The following ERBB4 variants were observed in gnomAD, a reference collection of about 807,000 sequenced individuals.
ERBB4 encodes the protein receptor tyrosine-protein kinase erbB-4.
ERBB4 carries 42 observed loss-of-function variants against 158.0 expected under a neutral mutation model. The ratio of observed to expected loss-of-function variants is 0.27; its 90% CI spans 0.21 to 0.34. ERBB4 has a LOEUF of 0.34. Ranked by LOEUF, ERBB4 falls within the 10% of genes least tolerant of loss-of-function variation. The pLI is 1.00. For synonymous variants in ERBB4, 583 were observed against 558.7 expected, an observed-to-expected ratio of 1.04 and a Z score of -0.61; for missense variants, 1,333 against 1,624.1, an observed-to-expected ratio of 0.82 and a Z score of 3.08.
At chr2:211,532,155 G>T (rs372040903) in intron 20 of ERBB4, among the ~76,000 whole-genome samples, 1 of 151,454 alleles carries the variant, frequency 6.6e-6, no homozygotes, top group East Asian at 1.9e-4. Context: ...GGGTTGTGGG[G>T]GGGGAAAGTA....
At chr2:211,721,620 C>CATATATATATATATATATATATATAT (rs71054137) in intron 7 of ERBB4, among the ~76,000 whole-genome samples, 104 of 131,840 alleles carry the variant, frequency 7.9e-4, no homozygotes, top group African/African-American at 1.8e-3. Flanking sequence ...TGCTATTAAA[C>CATATATATATATATATATATATATAT]ATATATATAT....
At chr2:212,032,828 A>G (rs1310815196) in intron 2 of ERBB4, among the ~76,000 whole-genome samples, 1 of 151,958 alleles carries the variant, frequency 6.6e-6, no homozygotes, top group Non-Finnish European at 1.5e-5. Flanking sequence ...AAGAAATTAT[A>G]GGAAGAAATA....
At chr2:212,306,786 T>C (rs1204451609) in intron 1 of ERBB4, among the ~76,000 whole-genome samples, 2 of 151,316 alleles carry the variant, frequency 1.3e-5, no homozygotes, top group Non-Finnish European at 3.0e-5. Flanking sequence ...TTTTTGGAAA[T>C]GTTTATTATG....
chr2:212,050,781 C>A (rs1305853617), intron 2 of ERBB4, among the ~76,000 whole-genome samples: 1 of 151,602 alleles, frequency 6.6e-6, no homozygotes, highest in Non-Finnish European at 1.5e-5. Flanking sequence ...CTATTTTTTT[C>A]TTTTACTTTT....
intron 17 of ERBB4, among the ~76,000 whole-genome samples, chr2:211,628,566 T>C (rs1180942880): frequency 2.0e-5 from 3 of 152,236 alleles, no homozygotes; most frequent in African/African-American, 7.2e-5. Flanking sequence ...ATCCAGTCTA[T>C]CATTGCTGGA....
At chr2:212,533,391 C>T (rs1692861633) in intron 1 of ERBB4, among the ~76,000 whole-genome samples, 1 of 152,180 alleles carries the variant, frequency 6.6e-6, no homozygotes, top group African/African-American at 2.4e-5. Context: ...CTCTCCCAGG[C>T]AGAGAAGCCA....
intron 1 of ERBB4, among the ~76,000 whole-genome samples, chr2:212,190,398 G>A (rs1452152332): frequency 1.3e-5 from 2 of 152,040 alleles, no homozygotes; most frequent in Non-Finnish European, 1.5e-5. Flanking sequence ...TTAGCCGGGC[G>A]TGGTGGCAGG....
chr2:211,740,566 C>T (rs1480988152), intron 5 of ERBB4, among the ~76,000 whole-genome samples: 1 of 151,072 alleles, frequency 6.6e-6, no homozygotes, highest in Admixed American at 6.6e-5. Context: ...TGTACTGTAC[C>T]CCTTCCTATC....
chr2:211,736,213 A>T (rs1393456775), intron 5 of ERBB4, among the ~76,000 whole-genome samples: 1 of 152,134 alleles, frequency 6.6e-6, no homozygotes, highest in Non-Finnish European at 1.5e-5. Context: ...CAAGTCACAT[A>T]ATGCACCTTT....
chr2:211,673,849 T>G (rs1337600904), intron 13 of ERBB4, among the ~76,000 whole-genome samples: 1 of 133,932 alleles, frequency 7.5e-6, no homozygotes, highest in Admixed American at 7.5e-5. Flanking sequence ...TCTTATATTA[T>G]TGATCTAATA....
intron 12 of ERBB4, among the ~76,000 whole-genome samples, chr2:211,681,376 C>G (rs544088591): frequency 1.3e-5 from 2 of 152,086 alleles, no homozygotes; most frequent in South Asian, 4.2e-4. Flanking sequence ...AGATAAATAC[C>G]CAGGAGAGGA....
rs766645227 is a variant in ERBB4 at position 211,788,047 on chromosome 2, C to A, written c.534G>T (p.Val178=). 6.2e-7 allele frequency: 1 copy of A among 1,613,546 alleles called. No homozygotes were observed. The highest frequency in any genetic ancestry group is 1.1e-5 in the South Asian group (1 of 91,058). ...TACATCCTGAACTACCATTTGTTGA[C>A]ACAAGAGTCAAGTTGGAAGGCCATG... The part of the protein sequence containing the change: ...RNPWPSNLTL[V]STNGSSGCGR... Residue 178 remains valine, a synonymous_variant, in exon 4 of 28, where the codon GTG becomes GTT. Coordinates refer to ENST00000342788, the MANE Select transcript of ERBB4 (RefSeq NM_005235.3).
chr2:211,886,054 G>C (rs1351943965), intron 3 of ERBB4, among the ~76,000 whole-genome samples: 2 of 152,098 alleles, frequency 1.3e-5, no homozygotes, highest in South Asian at 4.1e-4. Flanking sequence ...GTAAAAAAAT[G>C]CTTCAAATTT....
intron 2 of ERBB4, among the ~76,000 whole-genome samples, chr2:212,004,463 T>TA: frequency 6.6e-6 from 1 of 152,324 alleles, no homozygotes. Flanking sequence ...TCTTGAGCCA[T>TA]AAAATCTTCT....
intron 5 of ERBB4, among the ~76,000 whole-genome samples, chr2:211,744,534 T>C (rs1237895317): frequency 6.6e-6 from 1 of 152,226 alleles, no homozygotes; most frequent in Non-Finnish European, 1.5e-5. Context: ...CCGGCTTCTT[T>C]GTTTCTCTGT....
intron 20 of ERBB4, among the ~76,000 whole-genome samples, chr2:211,470,593 A>G (rs895543399): frequency 6.6e-6 from 1 of 152,182 alleles, no homozygotes; most frequent in Non-Finnish European, 1.5e-5. Context: ...CTAATCAGTA[A>G]AATGAACATC....
At chr2:212,080,504 G>A (rs966356973) in intron 2 of ERBB4, among the ~76,000 whole-genome samples, 1 of 150,940 alleles carries the variant, frequency 6.6e-6, no homozygotes, top group Non-Finnish European at 1.5e-5. Flanking sequence ...CATCCATTAC[G>A]AATGTGTTTC....
intron 20 of ERBB4, among the ~76,000 whole-genome samples, chr2:211,511,953 T>C (rs1421131797): frequency 6.6e-6 from 1 of 152,058 alleles, no homozygotes; most frequent in Non-Finnish European, 1.5e-5. Flanking sequence ...CTTCTGAAAA[T>C]AAATCATGGA....
chr2:211,848,237 T>C (rs2077635589), intron 3 of ERBB4, among the ~76,000 whole-genome samples: 1 of 152,126 alleles, frequency 6.6e-6, no homozygotes, highest in African/African-American at 2.4e-5. Context: ...TTTCTGGGTA[T>C]AAAGTTTGTA....
Sources: gnomAD v4.1 joint callset for allele counts (sites outside exome capture counted in the v4.1 genomes callset) on GRCh38, gnomAD v4.1.1 for gene constraint, MANE v1.5 for transcripts, NCBI Gene and HGNC (gene_info 2026-07-23, HGNC 2026-07-21) for gene names.